The following LARP1B variants were observed in gnomAD, a reference collection of about 807,000 sequenced individuals.
LARP1B encodes la-related protein 1B.
LARP1B carries 76 observed loss-of-function variants against 114.2 expected under a neutral mutation model. That is an observed-to-expected ratio of 0.67 (90% CI 0.55 to 0.81). The LOEUF (loss-of-function observed/expected upper bound fraction) is 0.81. LARP1B is among the 30% of genes least tolerant of loss of function. The probability of loss-of-function intolerance (pLI) is 0.00; values close to 1 mark genes in which losing one functional copy is unlikely to be tolerated. For missense variants in LARP1B, 1,014 were observed against 1,075.8 expected (o/e 0.94, Z 0.80); for synonymous variants, 345 against 348.0 (o/e 0.99, Z 0.10).
intron 9 of LARP1B, among the ~76,000 whole-genome samples, chr4:128,109,724 C>A (rs1179624783): frequency 2.0e-5 from 3 of 148,108 alleles, no homozygotes; most frequent in Non-Finnish European, 3.0e-5. Flanking sequence ...TTTTTTTTTC[C>A]CCTTGACTCT....
At chr4:128,094,323 C>G (rs1236738940) in intron 7 of LARP1B, among the ~76,000 whole-genome samples, 1 of 151,120 alleles carries the variant, frequency 6.6e-6, no homozygotes, top group Admixed American at 6.6e-5. Context: ...GTGATAATCT[C>G]TCTTGGCACT....
chr4:128,103,674 C>T (rs938672374), intron 8 of LARP1B, among the ~76,000 whole-genome samples: 3 of 151,294 alleles, frequency 2.0e-5, no homozygotes, highest in Admixed American at 6.6e-5. Context: ...GCGATTCTTC[C>T]GCCTCAGCCT....
chr4:128,094,124 ACCAC>A (rs1776960257), intron 7 of LARP1B, among the ~76,000 whole-genome samples: 1 of 151,404 alleles, frequency 6.6e-6, no homozygotes, highest in Non-Finnish European at 1.5e-5. Context: ...ACAAGGTTTC[ACCAC>A]GTTGGTCAGG....
intron 11 of LARP1B, among the ~76,000 whole-genome samples, chr4:128,160,310 G>A (rs1323720272): frequency 6.6e-6 from 1 of 152,194 alleles, no homozygotes; most frequent in Non-Finnish European, 1.5e-5. Context: ...ACCATGTGGT[G>A]TAATTCAATT....
intron 8 of LARP1B, among the ~76,000 whole-genome samples, chr4:128,106,924 C>G (rs1414417297): frequency 6.6e-6 from 1 of 152,144 alleles, no homozygotes; most frequent in African/African-American, 2.4e-5. Context: ...AATATATCAT[C>G]TGAAGTTAAA....
At chr4:128,078,103 C>G (rs552805263) in intron 4 of LARP1B, 141 bp downstream of exon 4, 1 of 548,126 alleles carries the variant, frequency 1.8e-6, no homozygotes, top group Non-Finnish European at 3.0e-6. Context: ...AGAGGTAACT[C>G]ATTTGCTTTT....
chr4:128,209,699 G>A (rs1561582611), intron 19 of LARP1B, among the ~76,000 whole-genome samples, 157 bp from the exon 20 acceptor site: 1 of 148,642 alleles, frequency 6.7e-6, no homozygotes, highest in Admixed American at 6.8e-5. Context: ...CTCCAGCCTG[G>A]GTGACAGAAT....
At chr4:128,087,931 T>C (rs1774310514) in intron 5 of LARP1B, among the ~76,000 whole-genome samples, 1 of 152,098 alleles carries the variant, frequency 6.6e-6, no homozygotes, top group Non-Finnish European at 1.5e-5. Flanking sequence ...CAAAATGTCA[T>C]TTTAAGTTTT....
At chr4:128,132,538 G>T (rs973716851) in intron 11 of LARP1B, among the ~76,000 whole-genome samples, 1 of 152,062 alleles carries the variant, frequency 6.6e-6, no homozygotes, top group African/African-American at 2.4e-5. Context: ...GAGCCACTGT[G>T]CCCGGCCAAT....
Position 128,140,604 on chromosome 4 carries a change from A to G in LARP1B, c.1524+18416A>G, listed in dbSNP as rs149682349. ...ATCCTCAGAAGTTTCTAAAATACTA[A>G]CAGTTGTGTTTCTGGTAGTTGTTAC... On this transcript the variant is annotated intron_variant, in intron 11 of 19. Coordinates refer to ENST00000326639, the MANE Select transcript of LARP1B (RefSeq NM_018078.4). Among the ~76,000 whole-genome samples, 6 of 152,276 alleles carry G rather than the reference A, an allele frequency of 3.9e-5. No individual in the cohort carries two copies. In the East Asian group the frequency reaches 1.2e-3, roughly 29 times the overall value.
chr4:128,157,219 C>A (rs970326778), intron 11 of LARP1B, among the ~76,000 whole-genome samples: 36 of 152,090 alleles, frequency 2.4e-4, no homozygotes, highest in African/African-American at 8.4e-4. Flanking sequence ...TTTAGAAATA[C>A]AAAATATGAT....
chr4:128,097,994 AATT>A (rs1778687693), intron 7 of LARP1B, among the ~76,000 whole-genome samples, 189 bp from the exon 8 acceptor site: 1 of 152,222 alleles, frequency 6.6e-6, no homozygotes, highest in African/African-American at 2.4e-5. Flanking sequence ...GTTTAAGAGA[AATT>A]ATTAATTCAG....
intron 11 of LARP1B, among the ~76,000 whole-genome samples, chr4:128,130,268 A>G (rs1302497336): frequency 6.6e-6 from 1 of 152,212 alleles, no homozygotes; most frequent in Non-Finnish European, 1.5e-5. Flanking sequence ...GAGGGCTATT[A>G]TCCAAAATAT....
chr4:128,079,360 G>A (rs2149433878), intron 4 of LARP1B, among the ~76,000 whole-genome samples: 1 of 152,066 alleles, frequency 6.6e-6, no homozygotes, highest in East Asian at 1.9e-4. Flanking sequence ...CTCCCAAAGT[G>A]CTAGGATTAC....
intron 9 of LARP1B, chr4:128,108,286 AAG>A: frequency 9.6e-7 from 1 of 1,043,756 alleles, no homozygotes; most frequent in Non-Finnish European, 1.2e-6. Context: ...AAAGCAGAAA[AAG>A]AGGGGATTGA....
chr4:128,168,502 G>A (rs901977260), intron 12 of LARP1B, among the ~76,000 whole-genome samples: 1 of 151,800 alleles, frequency 6.6e-6, no homozygotes, highest in African/African-American at 2.4e-5. Context: ...TATGTAATTT[G>A]CACATATCTT....
intron 3 of LARP1B, among the ~76,000 whole-genome samples, chr4:128,075,578 C>G (rs568957115): frequency 1.4e-5 from 2 of 147,354 alleles, no homozygotes; most frequent in South Asian, 2.2e-4. Flanking sequence ...GATAGGGTCT[C>G]ACTCCATTAC....
intron 5 of LARP1B, among the ~76,000 whole-genome samples, chr4:128,083,477 A>C (rs1335388282): frequency 9.2e-6 from 1 of 108,786 alleles, no homozygotes; most frequent in African/African-American, 3.6e-5. Context: ...CCGGACGGAG[A>C]GGCTGGCCAG....
At position 128,077,953 on chromosome 4, in the gene LARP1B, C is replaced by T. The variant is rs760387513; in HGVS notation, c.208C>T (p.Arg70Cys). 35 of 1,570,244 alleles carry T rather than the reference C, an allele frequency of 2.2e-5. No homozygotes were observed. Among genetic ancestry groups the T allele is most frequent in the Admixed American group, 7.8e-5 (4 of 50,974 alleles). Residue 70 changes from arginine (R) to cysteine (C), a missense_variant, in exon 4 of 20, where the codon CGT becomes TGT. Transcript: ENST00000326639. ...GGATGAGGCTCAGTCAAGTAATCAA[C>T]GTAAGAGAGGTCAGTTTGTCCATAT... ...SEDEAQSSNQ[R>C]KRANKHKWVP...
Sources: allele counts gnomAD v4.1 joint callset (sites outside exome capture counted in the v4.1 genomes callset), GRCh38; gene constraint gnomAD v4.1.1; transcripts MANE v1.5; gene names NCBI Gene and HGNC (gene_info 2026-07-23, HGNC 2026-07-21).